BCL9L: variants seen among roughly 807,000 people sequenced by gnomAD.
BCL9L encodes B-cell CLL/lymphoma 9-like protein.
Under a neutral mutation model 99.4 loss-of-function variants are expected in BCL9L, and 19 were observed. That is an observed-to-expected ratio of 0.19 (90% CI 0.13 to 0.28). The LOEUF is 0.28. Ranked by LOEUF, BCL9L falls within the 10% of genes least tolerant of loss-of-function variation. BCL9L has a pLI of 1.00. For synonymous variants in BCL9L, 900 were observed against 854.8 expected, an observed-to-expected ratio of 1.05 and a Z score of -0.92; for missense variants, 2,023 against 2,101.6, an observed-to-expected ratio of 0.96 and a Z score of 0.73.
Position 118,897,653 on chromosome 11 carries a change from G to C in BCL9L, c.*762C>G, listed in dbSNP as rs774354710. ...AGGAATGGTATCCCTTAGGGACCCAGAGACACTGCAAACAGTGGGTGGCCA... is the reference window on the plus strand; with the variant it reads ...AGGAATGGTATCCCTTAGGGACCCACAGACACTGCAAACAGTGGGTGGCCA... On this transcript the variant is annotated 3_prime_UTR_variant, in exon 10 of 10. Transcript: ENST00000683865. The C allele has an allele frequency of 4.8e-5, 19 of 393,834 alleles. No individual in the cohort carries two copies. The highest frequency in any genetic ancestry group is 7.0e-5 in the Non-Finnish European group (14 of 200,742). 24.4% of individuals were successfully genotyped at this position (393,834 alleles called of 1,614,324 possible). A position where few individuals can be genotyped will look rare whatever the true frequency, so the allele number is the denominator to read the frequency against.
In BCL9L at chr11:118,908,658, G is replaced by A. The variant is rs2137723040; in HGVS notation, c.27-3C>T. 1 of 1,601,518 alleles carries A rather than the reference G, an allele frequency of 6.2e-7. No homozygotes were observed. Among genetic ancestry groups the A allele is most frequent in the South Asian group, 1.1e-5 (1 of 90,402 alleles). On this transcript the variant is annotated splice_region_variant and splice_polypyrimidine_tract_variant and intron_variant, in intron 3 of 9. Coordinates refer to ENST00000683865, the MANE Select transcript of BCL9L (RefSeq NM_001378213.1). ...CTCTCCTCCTGGGGTGGGGTAACCT[G>A]GGAGGAGGTGGGAGAAATGTGAAAA...
chr11:118,920,377 C>A (rs1941103679), intron 1 of BCL9L, among the ~76,000 whole-genome samples: 1 of 152,152 alleles, frequency 6.6e-6, no homozygotes, highest in Non-Finnish European at 1.5e-5. Flanking sequence ...AAGGACTTCC[C>A]ACGATCGATC....
At position 118,902,126 on chromosome 11, in the gene BCL9L, C is replaced by G; in HGVS notation, c.1617G>C (p.Gly539=). ...CCTGCAGAGGACGGCTCCCATGCAG[C>G]CCAATCTGTTCCTCTTTCCGCCGTT... The part of the protein sequence containing the change: ...EEKRRKEEQI[G]LHGSRPLQDM... Residue 539 remains glycine (G), a synonymous_variant, in exon 8 of 10, where the codon GGG becomes GGC. Coordinates refer to ENST00000683865, the MANE Select transcript of BCL9L (RefSeq NM_001378213.1). This position sits in a 1 kb window ranked among gnomAD's most constrained non-coding sequence, Gnocchi z 7.8. The G allele has an allele frequency of 6.2e-7, 1 of 1,614,114 alleles. No individual in the cohort carries two copies. The highest frequency in any genetic ancestry group is 8.5e-7 in the Non-Finnish European group (1 of 1,180,016).
At position 118,914,306 on chromosome 11, in the gene BCL9L, G is replaced by A. The variant is rs555942903; in HGVS notation, c.-76-4291C>T. Among the ~76,000 whole-genome samples, 46 of 152,156 alleles carry A rather than the reference G, an allele frequency of 3.0e-4. No individual in the cohort carries two copies. Among genetic ancestry groups the A allele is most frequent in the Non-Finnish European group, 6.0e-4 (41 of 68,012 alleles). On this transcript the variant is annotated intron_variant, in intron 2 of 9. Transcript: ENST00000683865. This position sits in a 1 kb window ranked among gnomAD's most constrained non-coding sequence, Gnocchi z 4.4. ...AACTGCCTGGCTGCTGGGAACAATG[G>A]GGCCATTGTGGGAGGATGGAGTGCA...
Position 118,898,317 on chromosome 11 carries a change from C to A in BCL9L, c.*98G>T. 3.2e-6 allele frequency: 3 copies of A among 949,846 alleles called. No individual in the cohort carries two copies. Among genetic ancestry groups the A allele is most frequent in the Non-Finnish European group, 4.4e-6 (3 of 683,750 alleles). 58.8% of individuals were successfully genotyped at this position (949,846 alleles called of 1,614,324 possible). ...AAGCCCCCTCCCACCCCCTCCACCC[C>A]ACCCCGCGACCCAGGCCATCCCAAC... On this transcript the variant is annotated 3_prime_UTR_variant, in exon 10 of 10. Transcript: ENST00000683865.
chr11:118,899,283 G>A lies in BCL9L; in HGVS notation c.3632C>T (p.Ser1211Phe), dbSNP rs1215421467. ...SMMMAPGGPD[S>F]LNAPCGPVPS... ...CACTGGGCCACAGGGGGCATTCAGGGAGTCGGGGCCCCCTGGGGCCATCAT... is the reference window on the plus strand; with the variant it reads ...CACTGGGCCACAGGGGGCATTCAGGAAGTCGGGGCCCCCTGGGGCCATCAT... The change falls in exon 10 of 10, where the codon TCC (serine) becomes TTC (phenylalanine). Residue 1211 changes from serine to phenylalanine, a missense_variant. Ser to Phe is a radical substitution (Grantham distance 155). Coordinates refer to ENST00000683865, the MANE Select transcript of BCL9L (RefSeq NM_001378213.1). 1 of 1,528,944 alleles carries A rather than the reference G, an allele frequency of 6.5e-7. No homozygotes were observed. The highest frequency in any genetic ancestry group is 2.1e-5 in the Admixed American group (1 of 48,096). The allele number at this position is 1,528,944 out of a possible 1,614,324, so 94.7% of individuals were successfully genotyped here.
chr11:118,901,437 T>C lies in BCL9L; in HGVS notation c.2306A>G (p.Asn769Ser), dbSNP rs1322434441. 2 of 1,613,948 alleles carry C rather than the reference T, an allele frequency of 1.2e-6. No homozygotes were observed. The highest frequency in any genetic ancestry group is 3.3e-5 in the Admixed American group (2 of 60,002). Reference sequence around the variant, plus strand: ...GTTGACATTCATGTTCATGTTGAGGTTGCCTGGCCCCATGGGTGGGTCCAC... The same window carrying C: ...GTTGACATTCATGTTCATGTTGAGGCTGCCTGGCCCCATGGGTGGGTCCAC... Reference protein sequence around the residue: ...REVDPPMGPGNLNMNMNVNMN... With the variant: ...REVDPPMGPGSLNMNMNVNMN... Residue 769 changes from asparagine (N) to serine (S), a missense_variant, in exon 8 of 10, where the codon AAC becomes AGC. This residue lies in a region of BCL9L where 1,116 missense variants were observed against 1,194.6 expected (regional missense o/e 0.93). Coordinates refer to ENST00000683865, the MANE Select transcript of BCL9L (RefSeq NM_001378213.1). The surrounding 1 kb of genome is among the most constrained non-coding windows in gnomAD (Gnocchi z 6.6).
Position 118,899,412 on chromosome 11 carries a change from T to C in BCL9L, c.3503A>G (p.His1168Arg), listed in dbSNP as rs1168919464. The C allele has an allele frequency of 2.5e-6, 4 of 1,592,510 alleles. No homozygotes were observed. The highest frequency in any genetic ancestry group is 3.6e-5 in the Admixed American group (2 of 56,288). The part of the protein sequence containing the change: ...MNLPGQQPLS[H>R]EPPPAMLPSP... ...GGGCAGCATGGCGGGCGGGGGCTCATGGGACAGGGGCTGCTGGCCTGGCAG... is the reference window on the plus strand; with the variant it reads ...GGGCAGCATGGCGGGCGGGGGCTCACGGGACAGGGGCTGCTGGCCTGGCAG... The change falls in exon 10 of 10, where the codon CAT (histidine) becomes CGT (arginine). Residue 1168 changes from histidine to arginine, a missense_variant. By Grantham distance (29) the His-to-Arg change is conservative. Around this residue, in one of 3 missense-constraint regions of BCL9L, gnomAD observed 902 missense variants for 888.2 expected, o/e 1.02. Transcript: ENST00000683865.
chr11:118,912,684 G>C (rs1333337223), intron 2 of BCL9L, among the ~76,000 whole-genome samples: 1 of 152,180 alleles, frequency 6.6e-6, no homozygotes, highest in East Asian at 1.9e-4. Flanking sequence ...CAACCTGCCT[G>C]CTCCTAGCTG....
Position 118,899,360 on chromosome 11 carries a change from A to G in BCL9L, c.3555T>C (p.Ile1185=). 6.3e-7 allele frequency: 1 copy of G among 1,582,330 alleles called. No individual in the cohort carries two copies. Among genetic ancestry groups the G allele is most frequent in the Non-Finnish European group, 8.6e-7 (1 of 1,164,948 alleles). ...LPSPTPLGSN[I]PLHPNAQGTG... ...TCCCCTGTGCGTTGGGATGCAGTGG[A>G]ATGTTGGAGCCCAGAGGGGTGGGGG... The change falls in exon 10 of 10, where the codon ATT becomes ATC. Residue 1185 remains isoleucine (I), a synonymous_variant. Coordinates refer to ENST00000683865, the MANE Select transcript of BCL9L (RefSeq NM_001378213.1).
Position 118,899,085 on chromosome 11 carries a change from T to G in BCL9L, c.3830A>C (p.Gln1277Pro), listed in dbSNP as rs1940075203. 2 of 1,597,410 alleles carry G rather than the reference T, an allele frequency of 1.3e-6. No homozygotes were observed. Among genetic ancestry groups the G allele is most frequent in the South Asian group, 2.2e-5 (2 of 89,744 alleles). ...CATGGCTTTGCCCATCAGGTGCTGCTGGGGAGGCATGGGGCCTGGCGGCTG... is the reference window on the plus strand; with the variant it reads ...CATGGCTTTGCCCATCAGGTGCTGCGGGGGAGGCATGGGGCCTGGCGGCTG... ...PNQPPGPMPP[Q>P]QHLMGKAMAG... Residue 1277 changes from glutamine (Q) to proline (P), a missense_variant, in exon 10 of 10, where the codon CAG becomes CCG. By Grantham distance (76) the Gln-to-Pro change is moderately conservative. This residue lies in a region of BCL9L where 902 missense variants were observed against 888.2 expected (regional missense o/e 1.02). Coordinates refer to ENST00000683865, the MANE Select transcript of BCL9L (RefSeq NM_001378213.1).
chr11:118,900,151 C>T lies in BCL9L; in HGVS notation c.3172G>A (p.Ala1058Thr), dbSNP rs776808926. Residue 1058 changes from alanine to threonine, a missense_variant, in exon 9 of 10, where the codon GCC (alanine) becomes ACC (threonine). Ala to Thr is a moderately conservative substitution (Grantham distance 58). Around this residue, in one of 3 missense-constraint regions of BCL9L, gnomAD observed 902 missense variants for 888.2 expected, o/e 1.02. Coordinates refer to ENST00000683865, the MANE Select transcript of BCL9L (RefSeq NM_001378213.1). The surrounding 1 kb of genome is among the most constrained non-coding windows in gnomAD (Gnocchi z 5.3). ...GPRSSSSAPP[A>T]NPPSGLMNPS... is the part of the protein sequence containing the mutation. ...TTCATGAGGCCGCTGGGAGGGTTGG[C>T]GGGAGGTGCTGAGGAGCTGCTCCGG... 6 of 1,611,428 alleles carry T rather than the reference C, an allele frequency of 3.7e-6. No homozygotes were observed. Among genetic ancestry groups the T allele is most frequent in the East Asian group, 4.5e-5 (2 of 44,844 alleles).
rs1201085114 is a variant in BCL9L at position 118,898,028 on chromosome 11, G to A, written c.*387C>T. On this transcript the variant is annotated 3_prime_UTR_variant, in exon 10 of 10. Coordinates refer to ENST00000683865, the MANE Select transcript of BCL9L (RefSeq NM_001378213.1). ...CGAGGAGACAGGAGCAGAAGGGGCTGGGGGAGACCTGACCTGTCCTTCCTC... is the reference window on the plus strand; with the variant it reads ...CGAGGAGACAGGAGCAGAAGGGGCTAGGGGAGACCTGACCTGTCCTTCCTC... The A allele has an allele frequency of 4.8e-6, 2 of 415,774 alleles. No homozygotes were observed. Among genetic ancestry groups the A allele is most frequent in the African/African-American group, 2.0e-5 (1 of 48,830 alleles). The allele number at this position is 415,774 out of a possible 1,614,324, so 25.8% of individuals were successfully genotyped here.
rs759814551 is a variant in BCL9L at position 118,898,791 on chromosome 11, G to T, written c.4124C>A (p.Pro1375His). The T allele has an allele frequency of 1.2e-6, 2 of 1,613,882 alleles. No individual in the cohort carries two copies. The highest frequency in any genetic ancestry group is 1.7e-6 in the Non-Finnish European group (2 of 1,179,980). The change falls in exon 10 of 10, where the codon CCC (proline) becomes CAC (histidine). Residue 1375 changes from proline (P) to histidine (H), a missense_variant. Pro to His is a moderately conservative substitution (Grantham distance 77). Coordinates refer to ENST00000683865, the MANE Select transcript of BCL9L (RefSeq NM_001378213.1). ...GACGCCCTGCTGGCCTGGGAGGTTG[G>T]GAGGCCGAGAGGGAGTCTGCTCCGC... Reference protein sequence around the residue: ...MMAEQTPSRPPNLPGQQGVQR... With the variant: ...MMAEQTPSRPHNLPGQQGVQR...
Position 118,908,252 on chromosome 11 carries a change from G to A in BCL9L, c.412+18C>T, listed in dbSNP as rs183112701. 94 of 1,533,712 alleles carry A rather than the reference G, an allele frequency of 6.1e-5. No individual in the cohort carries two copies. In the Admixed American group the frequency reaches 1.0e-3, roughly 17 times the overall value. On this transcript the variant is annotated intron_variant, in intron 4 of 9. Transcript: ENST00000683865. ...CTATGGGAGATGCTAGGGTCTTAGG[G>A]ATGAGGAAATGGGGTACCTTTGGCC...
chr11:118,903,894 C>T lies in BCL9L; in HGVS notation c.533-442G>A, dbSNP rs1386244768. ...CTCACTGGGTAAGTGTATGTGCACA[C>T]AGTCTAGTGACCCAGTTAGGGAGAA... is the stretch of plus-strand genomic sequence containing the variant. On this transcript the variant is annotated intron_variant, in intron 5 of 9. Coordinates refer to ENST00000683865, the MANE Select transcript of BCL9L (RefSeq NM_001378213.1). This position sits in a 1 kb window ranked among gnomAD's most constrained non-coding sequence, Gnocchi z 5.6. 6.6e-6 allele frequency among the ~76,000 whole-genome samples: 1 copy of T among 152,220 alleles called. No homozygotes were observed. Among genetic ancestry groups the T allele is most frequent in the Non-Finnish European group, 1.5e-5 (1 of 68,038 alleles).
intron 2 of BCL9L, among the ~76,000 whole-genome samples, chr11:118,913,340 G>C (rs1284672331): frequency 6.6e-6 from 1 of 152,162 alleles, no homozygotes; most frequent in Admixed American, 6.5e-5. Flanking sequence ...TGTTGAACAG[G>C]GTACTGGGGG....
rs1949772712 is a variant in BCL9L, at chr11:118,914,931, T to G, written c.-77+3895A>C. On this transcript the variant is annotated intron_variant, in intron 2 of 9. Transcript: ENST00000683865. The surrounding 1 kb of genome is among the most constrained non-coding windows in gnomAD (Gnocchi z 4.4). The stretch of plus-strand genomic sequence containing the variant: ...GGCAGGTGGATCACGAGGTCAGGAG[T>G]TCAAGACCAGCCTGGCCATGATGGT... Among the ~76,000 whole-genome samples the G allele has an allele frequency of 4.0e-5, 6 of 151,542 alleles. No homozygotes were observed.
intron 2 of BCL9L, among the ~76,000 whole-genome samples, chr11:118,911,611 T>C (rs1002523380): frequency 6.6e-6 from 1 of 152,226 alleles, no homozygotes; most frequent in African/African-American, 2.4e-5. Context: ...AGGCTCTCCC[T>C]TCACCAGCTC....
Sources: allele counts gnomAD v4.1 joint callset (sites outside exome capture counted in the v4.1 genomes callset), GRCh38; gene constraint gnomAD v4.1.1; regional missense constraint gnomAD v4.1.1; non-coding constraint Gnocchi (gnomAD v3.1); transcripts MANE v1.5; gene names NCBI Gene and HGNC (gene_info 2026-07-23, HGNC 2026-07-21).